Variants in SESN2 observed in about 807,000 individuals in gnomAD.
SESN2 encodes sestrin 2, also known as sestrin-2.
In SESN2, 42 loss-of-function variants were observed where a neutral mutation model predicts 56.0. The observed-to-expected ratio is 0.75, with a 90% CI of 0.59 to 0.97. The LOEUF is 0.97. Among genes scored for constraint, SESN2 ranks in the 50% least tolerant of loss-of-function variants. The probability of loss-of-function intolerance (pLI) is 0.00; values close to 1 mark genes in which losing one functional copy is unlikely to be tolerated. For synonymous variants in SESN2, 264 were observed against 267.1 expected (o/e 0.99, Z 0.11); for missense variants, 507 against 649.4 (o/e 0.78, Z 2.38).
chr1:28,269,524 G>T (rs983326233), intron 2 of SESN2, among the ~76,000 whole-genome samples: 4 of 151,700 alleles, frequency 2.6e-5, no homozygotes, highest in Middle Eastern at 3.4e-3. Flanking sequence ...TCCTAGATCA[G>T]TGCCTGCTTT....
rs1426018877 is a variant in SESN2, at chr1:28,273,915, C to T, written c.902-125C>T. ...TCCAGCTGAAATCTTGCCCCACTCA[C>T]TATAGCAAGGGGCTTTTTTTGGCCC... On this transcript the variant is annotated intron_variant, in intron 6 of 9. Coordinates refer to ENST00000253063, the MANE Select transcript of SESN2 (RefSeq NM_031459.5). 3.8e-5 allele frequency: 27 copies of T among 709,274 alleles called. No homozygotes were observed. The East Asian group carries it at 6.5e-4, about 17-fold the overall frequency. The allele number at this position is 709,274 out of a possible 1,614,324, so 43.9% of individuals were successfully genotyped here. A position where few individuals can be genotyped will look rare whatever the true frequency, so the allele number is the denominator to read the frequency against.
chr1:28,262,897 CA>C (rs1647430599), intron 1 of SESN2, among the ~76,000 whole-genome samples: 1 of 152,192 alleles, frequency 6.6e-6, no homozygotes, highest in African/African-American at 2.4e-5. Context: ...CACTGTACTC[CA>C]GCCTGGGTGA....
At chr1:28,264,269 A>G (rs1647483449) in intron 1 of SESN2, among the ~76,000 whole-genome samples, 1 of 152,090 alleles carries the variant, frequency 6.6e-6, no homozygotes, top group Non-Finnish European at 1.5e-5. Context: ...CAGTGAGCCA[A>G]GATCACGCAA....
At chr1:28,276,170 A>G (rs1648034377) in intron 8 of SESN2, among the ~76,000 whole-genome samples, 1 of 151,834 alleles carries the variant, frequency 6.6e-6, no homozygotes. Flanking sequence ...AAAATTGAAA[A>G]ATACAGATAA....
At chr1:28,265,816 C>T (rs1385931669) in intron 1 of SESN2, among the ~76,000 whole-genome samples, 2 of 150,222 alleles carry the variant, frequency 1.3e-5, no homozygotes, top group South Asian at 2.1e-4. Context: ...GTGAACCACC[C>T]CACTTAGGCC....
At chr1:28,269,319 T>C in intron 2 of SESN2, 71 bp downstream of exon 2, 1 of 986,694 alleles carries the variant, frequency 1.0e-6, no homozygotes, top group Non-Finnish European at 1.5e-6. Flanking sequence ...TAGGCAGGCA[T>C]CTTTTCCTGT....
chr1:28,262,753 C>T (rs1305766158), intron 1 of SESN2, among the ~76,000 whole-genome samples: 3 of 151,856 alleles, frequency 2.0e-5, no homozygotes, highest in African/African-American at 4.8e-5. Context: ...ACGGTGAAAC[C>T]CCGTCTCTAC....
rs1258760960 is a variant in SESN2, at chr1:28,279,179, C to T, written c.1294C>T (p.Pro432Ser). 1.9e-6 allele frequency: 3 copies of T among 1,614,140 alleles called. No homozygotes were observed. The highest frequency in any genetic ancestry group is 2.5e-6 in the Non-Finnish European group (3 of 1,180,000). Residue 432 changes from proline (P) to serine (S), a missense_variant, in exon 9 of 10, where the codon CCA becomes TCA. Transcript: ENST00000253063. ...KVYIKTVACY[P>S]EKTTRRMYNL... ...CTATATCAAGACAGTGGCCTGCTAC[C>T]CAGAGAAGACCACCCGAAGAATGTA...
intron 1 of SESN2, among the ~76,000 whole-genome samples, chr1:28,263,188 T>C (rs929037046): frequency 3.9e-4 from 59 of 152,202 alleles, no homozygotes; most frequent in African/African-American, 1.4e-3. Flanking sequence ...ATTCCAGCCG[T>C]GGAGTCAGAT....
chr1:28,278,236 T>C (rs1189939640), intron 8 of SESN2, among the ~76,000 whole-genome samples: 1 of 151,970 alleles, frequency 6.6e-6, no homozygotes, highest in African/African-American at 2.4e-5. Context: ...TACTACAGAG[T>C]AGTGGTTATG....
intron 8 of SESN2, among the ~76,000 whole-genome samples, chr1:28,277,826 C>T (rs1366989834): frequency 6.6e-6 from 1 of 152,206 alleles, no homozygotes; most frequent in Non-Finnish European, 1.5e-5. Flanking sequence ...CATCCTCTTA[C>T]TCTAGTCACT....
rs1557733300 is a variant in SESN2 at position 28,271,831 on chromosome 1, G to A, written c.314G>A (p.Gly105Asp). ...CACTACCTGCTGCTGCACACGGATG[G>A]TCCCTTGGCCAGCTCCTGGCGCCAC... ...RLHYLLLHTD[G>D]PLASSWRHYI... Residue 105 changes from glycine (G) to aspartate (D), a missense_variant, in exon 3 of 10, where the codon GGT (glycine) becomes GAT (aspartate). Coordinates refer to ENST00000253063, the MANE Select transcript of SESN2 (RefSeq NM_031459.5). 1.2e-6 allele frequency: 2 copies of A among 1,614,154 alleles called. No homozygotes were observed. Among genetic ancestry groups the A allele is most frequent in the South Asian group, 2.2e-5 (2 of 91,088 alleles).
intron 1 of SESN2, among the ~76,000 whole-genome samples, chr1:28,260,191 C>T (rs1379804086): frequency 6.6e-6 from 1 of 151,222 alleles, no homozygotes; most frequent in Non-Finnish European, 1.5e-5. Context: ...ACCGCCCCAC[C>T]CCAGGGCCGC....
chr1:28,276,811 T>G (rs1374266082), intron 8 of SESN2, among the ~76,000 whole-genome samples: 1 of 151,090 alleles, frequency 6.6e-6, no homozygotes, highest in Non-Finnish European at 1.5e-5. Flanking sequence ...ACTTCTCACC[T>G]CAGGTGATCT....
At chr1:28,267,431 C>G (rs375845743) in intron 1 of SESN2, among the ~76,000 whole-genome samples, 3 of 152,124 alleles carry the variant, frequency 2.0e-5, no homozygotes, top group African/African-American at 7.2e-5. Context: ...TTGTAGTCTT[C>G]TGGAGTCCCA....
Position 28,279,303 on chromosome 1 carries a change from G to C in SESN2, c.1356+62G>C, listed in dbSNP as rs1648155933. 19 of 1,587,136 alleles carry C rather than the reference G, an allele frequency of 1.2e-5. No individual in the cohort carries two copies. The South Asian group carries it at 1.9e-4, about 16-fold the overall frequency. ...CAGGCCAAGCCAGTGGAGAGGGCAA[G>C]GGGTTAGGACCCAGTGAGAGTCCCC... On this transcript the variant is annotated intron_variant, in intron 9 of 9. Coordinates refer to ENST00000253063, the MANE Select transcript of SESN2 (RefSeq NM_031459.5).
At chr1:28,260,493 T>G (rs1175943812) in intron 1 of SESN2, among the ~76,000 whole-genome samples, 2 of 152,234 alleles carry the variant, frequency 1.3e-5, no homozygotes, top group East Asian at 3.9e-4. Flanking sequence ...GCACTCCTGC[T>G]TTGGAGGGAG....
intron 2 of SESN2, among the ~76,000 whole-genome samples, chr1:28,269,612 A>G (rs368873693): frequency 1.4e-4 from 21 of 152,126 alleles, no homozygotes; most frequent in African/African-American, 4.8e-4. Context: ...TAAAAGTAAT[A>G]TATGTTTATT....
chr1:28,271,897 G>A, intron 3 of SESN2, 26 bp downstream of exon 3: 2 of 1,609,566 alleles, frequency 1.2e-6, no homozygotes, highest in Non-Finnish European at 1.7e-6. Flanking sequence ...CCTGACACTT[G>A]GAGAGGTGGC....
Sources: allele counts gnomAD v4.1 joint callset (sites outside exome capture counted in the v4.1 genomes callset), GRCh38; gene constraint gnomAD v4.1.1; transcripts MANE v1.5; gene names NCBI Gene and HGNC (gene_info 2026-07-23, HGNC 2026-07-21).